The following CFAP61 variants were observed in gnomAD, a reference collection of about 807,000 sequenced individuals.
The protein encoded by CFAP61 is cilia and flagella associated protein 61, also known as cilia- and flagella-associated protein 61.
Under a neutral mutation model 135.6 loss-of-function variants are expected in CFAP61, and 107 were observed. That is an observed-to-expected ratio of 0.79 (90% confidence interval 0.67 to 0.93). The LOEUF (loss-of-function observed/expected upper bound fraction) is 0.93. Ranked by LOEUF, CFAP61 falls within the 40% of genes least tolerant of loss-of-function variation. The pLI is 0.00. For synonymous variants in CFAP61, 575 were observed against 578.5 expected, an observed-to-expected ratio of 0.99 and a Z score of 0.09; for missense variants, 1,507 against 1,556.2, an observed-to-expected ratio of 0.97 and a Z score of 0.53.
chr20:20,188,031 G>A lies in CFAP61; in HGVS notation c.1487G>A (p.Arg496His), dbSNP rs146380431. 442 of 1,614,144 alleles carry A rather than the reference G, an allele frequency of 2.7e-4. No homozygotes were observed. Among genetic ancestry groups the A allele is most frequent in the Admixed American group, 4.0e-4 (24 of 60,028 alleles). ...AAAAGCATATTGGAGGACTTAGACCGTTACAACAAGGCTCGCAAAGACCCT... is the reference window on the plus strand; with the variant it reads ...AAAAGCATATTGGAGGACTTAGACCATTACAACAAGGCTCGCAAAGACCCT... ...LNKSILEDLD[R>H]YNKARKDPDG... is the part of the protein sequence containing the mutation. The change falls in exon 14 of 27, where the codon CGT becomes CAT. Residue 496 changes from arginine (R) to histidine (H), a missense_variant. Transcript: ENST00000245957.
chr20:20,147,291 G>C (rs754564890), intron 9 of CFAP61, among the ~76,000 whole-genome samples: 1 of 152,168 alleles, frequency 6.6e-6, no homozygotes, highest in Non-Finnish European at 1.5e-5. Context: ...TCAAATGGTA[G>C]TTCTACTTTA....
rs540672715 is a variant in CFAP61 at position 20,180,108 on chromosome 20, G to T, written c.1386-7822G>T. On this transcript the variant is annotated intron_variant, in intron 13 of 26. Transcript: ENST00000245957. ...ACCTATAGAATGGAAGAAAAGTTTT[G>T]CAAACTATGCATCTGACAAAGGTCT... 5.9e-5 allele frequency among the ~76,000 whole-genome samples: 9 copies of T among 152,278 alleles called. No individual in the cohort carries two copies. The South Asian group carries it at 1.7e-3, about 28-fold the overall frequency.
At chr20:20,180,095 G>C (rs1366366837) in intron 13 of CFAP61, among the ~76,000 whole-genome samples, 1 of 152,000 alleles carries the variant, frequency 6.6e-6, no homozygotes, top group African/African-American at 2.4e-5. Context: ...CTATAGAATG[G>C]AAGAAAAGTT....
chr20:20,096,024 C>A (rs2146629587), intron 7 of CFAP61, among the ~76,000 whole-genome samples: 1 of 152,248 alleles, frequency 6.6e-6, no homozygotes, highest in Non-Finnish European at 1.5e-5. Flanking sequence ...ACAACAAAAC[C>A]TTCAGTTTTG....
At chr20:20,247,601 C>T (rs1038698700) in intron 19 of CFAP61, among the ~76,000 whole-genome samples, 6 of 152,232 alleles carry the variant, frequency 3.9e-5, no homozygotes, top group Admixed American at 1.3e-4. Context: ...ACATTAGCCA[C>T]ATGTAGCCAG....
At position 20,300,859 on chromosome 20, in the gene CFAP61, G is replaced by A. The variant is rs180726582; in HGVS notation, c.3422+2473G>A. On this transcript the variant is annotated intron_variant, in intron 25 of 26. Transcript: ENST00000245957. ...AACCTCAGGTGATCCACCCGCCTCC[G>A]CCTCCCAAAATGCTGGGATTACAGG... 5.3e-5 allele frequency among the ~76,000 whole-genome samples: 8 copies of A among 152,038 alleles called. No individual in the cohort carries two copies. The East Asian group carries it at 1.4e-3, about 26-fold the overall frequency.
chr20:20,196,530 A>C, intron 15 of CFAP61, 40 bp from the exon 16 acceptor site: 2 of 1,453,648 alleles, frequency 1.4e-6, no homozygotes. Context: ...CCGTTTGTTT[A>C]AAATGCTTGT....
intron 3 of CFAP61, among the ~76,000 whole-genome samples, chr20:20,071,213 G>C (rs565978761): frequency 2.0e-5 from 3 of 152,192 alleles, no homozygotes; most frequent in Non-Finnish European, 4.4e-5. Context: ...TTGGCTAGCC[G>C]CTGGCAAGGC....
At chr20:20,197,598 C>T (rs558959062) in intron 16 of CFAP61, among the ~76,000 whole-genome samples, 11 of 152,224 alleles carry the variant, frequency 7.2e-5, no homozygotes, top group African/African-American at 2.6e-4. Context: ...CTCTCACACA[C>T]ACTCATGAGT....
chr20:20,254,120 TCC>T (rs2051284495), intron 20 of CFAP61, among the ~76,000 whole-genome samples: 2 of 14,832 alleles, frequency 1.3e-4, no homozygotes, highest in Admixed American at 7.1e-4. Flanking sequence ...TCCCCTCCCC[TCC>T]CCTCTTCTAT....
Position 20,090,903 on chromosome 20 carries a change from A to C in CFAP61, c.626A>C (p.Glu209Ala), listed in dbSNP as rs570922347. The C allele has an allele frequency of 1.4e-5, 22 of 1,614,024 alleles. No individual in the cohort carries two copies. Among genetic ancestry groups the C allele is most frequent in the Non-Finnish European group, 1.9e-5 (22 of 1,180,008 alleles). ...ATGCGCTATGACACAATTCTGAAGG[A>C]AACTTACGGTGAATACTTCCTGGCC... ...IFMRYDTILK[E>A]TYGEYFLAEL... is the part of the protein sequence containing the mutation. The change falls in exon 7 of 27, where the codon GAA becomes GCA. Residue 209 changes from glutamate (E) to alanine (A), a missense_variant. Physicochemically the swap from Glu to Ala is moderately radical, Grantham distance 107. Transcript: ENST00000245957.
intron 2 of CFAP61, among the ~76,000 whole-genome samples, chr20:20,057,533 G>C (rs944017392): frequency 5.3e-5 from 8 of 152,092 alleles, no homozygotes; most frequent in Admixed American, 3.9e-4. Context: ...GCTGGCGCAG[G>C]GTCAAACAGT....
chr20:20,052,700 TGGCTCTGTCGA>T, intron 1 of CFAP61, 109 bp downstream of exon 1: 1 of 1,611,832 alleles, frequency 6.2e-7, no homozygotes, highest in Non-Finnish European at 8.5e-7. Flanking sequence ...CGAGGACGAG[TGGCTCTGTCGA>T]GCCGTGGCGC....
At chr20:20,269,768 C>T (rs2053198411) in intron 21 of CFAP61, among the ~76,000 whole-genome samples, 2 of 152,132 alleles carry the variant, frequency 1.3e-5, no homozygotes, top group South Asian at 4.2e-4. Flanking sequence ...AGATATTTAC[C>T]CATATAAAAT....
chr20:20,299,413 C>T (rs6081952), intron 25 of CFAP61, among the ~76,000 whole-genome samples: 1 of 152,230 alleles, frequency 6.6e-6, no homozygotes, highest in South Asian at 2.1e-4. Flanking sequence ...CAGATATAGC[C>T]TCAGTTGCAA....
chr20:20,281,406 A>C (rs947263076), intron 22 of CFAP61, among the ~76,000 whole-genome samples: 2 of 152,204 alleles, frequency 1.3e-5, no homozygotes, highest in African/African-American at 4.8e-5. Flanking sequence ...TTTTTATCAG[A>C]CTGAAGAAGT....
At chr20:20,285,811 A>G (rs1005745833) in intron 22 of CFAP61, among the ~76,000 whole-genome samples, 1 of 151,440 alleles carries the variant, frequency 6.6e-6, no homozygotes, top group African/African-American at 2.4e-5. Context: ...TTCCAGCTAC[A>G]TGGGGGGGCT....
intron 26 of CFAP61, among the ~76,000 whole-genome samples, chr20:20,344,293 C>T (rs955825391): frequency 3.3e-5 from 5 of 152,146 alleles, no homozygotes; most frequent in Non-Finnish European, 5.9e-5. Context: ...CCAGTGAGTG[C>T]TGACCACCAC....
intron 8 of CFAP61, among the ~76,000 whole-genome samples, chr20:20,101,348 A>G (rs904691936): frequency 1.3e-5 from 2 of 152,182 alleles, no homozygotes; most frequent in African/African-American, 2.4e-5. Context: ...AAGGATTTTT[A>G]TATATGTAAT....
Sources: gnomAD v4.1 joint callset for allele counts (sites outside exome capture counted in the v4.1 genomes callset) on GRCh38, gnomAD v4.1.1 for gene constraint, MANE v1.5 for transcripts, NCBI Gene and HGNC (gene_info 2026-07-23, HGNC 2026-07-21) for gene names.